Variants in C5orf34 observed in about 807,000 individuals in gnomAD.
C5orf34 encodes the protein uncharacterized protein C5orf34.
In C5orf34, 73 loss-of-function variants were observed where a neutral mutation model predicts 78.4. The ratio of observed to expected loss-of-function variants is 0.93; its 90% confidence interval spans 0.77 to 1.13. The LOEUF is 1.13. Ranked by LOEUF, C5orf34 falls within the 50% of genes most tolerant of loss-of-function variation. The pLI is 0.00. For missense variants in C5orf34, 730 were observed against 732.7 expected, an observed-to-expected ratio of 1.00 and a Z score of 0.04; for synonymous variants, 251 against 246.6, an observed-to-expected ratio of 1.02 and a Z score of -0.17.
chr5:43,498,847 G>A (rs1027049034), intron 6 of C5orf34, among the ~76,000 whole-genome samples: 8 of 152,124 alleles, frequency 5.3e-5, no homozygotes, highest in Non-Finnish European at 8.8e-5. Flanking sequence ...GTTGTGAGCT[G>A]GCCATCTTAG....
Position 43,509,112 on chromosome 5 carries a change from C to CA in C5orf34, c.195+32dup, listed in dbSNP as rs770576833. 4.4e-6 allele frequency: 7 copies of CA among 1,582,790 alleles called. No homozygotes were observed. In the Admixed American group the frequency reaches 5.3e-5, roughly 12 times the overall value. On this transcript the variant is annotated intron_variant, in intron 2 of 12. Transcript: ENST00000306862. ...AGAGCAAGAACCTGTCTCTAAAAAACAAAAAAGTTGTTTACGTGATATCTT... is the reference window on the plus strand; with the variant it reads ...AGAGCAAGAACCTGTCTCTAAAAAACAAAAAAAGTTGTTTACGTGATATCTT...
At chr5:43,495,509 A>G in intron 6 of C5orf34, 1 of 1,608,086 alleles carries the variant, frequency 6.2e-7, no homozygotes, top group South Asian at 1.1e-5. Context: ...AACATCCTTG[A>G]CAGACACATT....
intron 10 of C5orf34, 133 bp downstream of exon 10, chr5:43,492,082 G>A (rs1028333877): frequency 7.1e-5 from 35 of 491,674 alleles, no homozygotes; most frequent in Middle Eastern, 5.9e-4. Context: ...ACTCTGAAAC[G>A]ACTGAAATGC....
intron 8 of C5orf34, among the ~76,000 whole-genome samples, 158 bp downstream of exon 8, chr5:43,493,385 T>C (rs1001415762): frequency 6.6e-6 from 1 of 152,132 alleles, no homozygotes; most frequent in African/African-American, 2.4e-5. Flanking sequence ...GAACTTTCAG[T>C]GTTTGTCTAC....
At chr5:43,487,657 C>T (rs1026058893) in intron 12 of C5orf34, among the ~76,000 whole-genome samples, 4 of 152,008 alleles carry the variant, frequency 2.6e-5, no homozygotes, top group Non-Finnish European at 2.9e-5. Flanking sequence ...GAAAAAGTCT[C>T]CAAAGGAGAC....
chr5:43,502,983 A>C (rs12653472), intron 5 of C5orf34, among the ~76,000 whole-genome samples: 2,115 of 152,344 alleles, frequency 0.014, 59 homozygotes, highest in East Asian at 0.13. Flanking sequence ...GGTACTGGGT[A>C]TATACCAAAT....
chr5:43,492,172 A>C, intron 10 of C5orf34, 43 bp downstream of exon 10: 2 of 1,333,800 alleles, frequency 1.5e-6, no homozygotes, highest in Non-Finnish European at 2.1e-6. Flanking sequence ...CTGTTAGTTA[A>C]AAGTAAAACA....
chr5:43,497,746 T>C (rs1266862434), intron 6 of C5orf34, among the ~76,000 whole-genome samples: 3 of 152,258 alleles, frequency 2.0e-5, no homozygotes, highest in Admixed American at 1.3e-4. Context: ...TTTGTCCTTT[T>C]ATCTTGGTCT....
At position 43,508,596 on chromosome 5, in the gene C5orf34, A is replaced by C. The variant is rs544491265; in HGVS notation, c.266T>G (p.Ile89Arg). ...AATCACCTTTTTTCTTTCAGAAGGT[A>C]TGATGGTTTCAGATAAAAAAGGGCA... ...ATCPFLSETI[I>R]PSERKKHIFI... Residue 89 changes from isoleucine to arginine, a missense_variant, in exon 3 of 13, where the codon ATA becomes AGA. Transcript: ENST00000306862. 25 of 1,605,402 alleles carry C rather than the reference A, an allele frequency of 1.6e-5. No homozygotes were observed. The East Asian group carries it at 5.1e-4, about 33-fold the overall frequency.
chr5:43,488,804 A>G (rs1745161567), intron 11 of C5orf34, among the ~76,000 whole-genome samples: 1 of 152,120 alleles, frequency 6.6e-6, no homozygotes, highest in African/African-American at 2.4e-5. Context: ...ATGGCATACA[A>G]CTACAAACTG....
At chr5:43,492,693 A>T (rs199653432) in intron 9 of C5orf34, 27 bp downstream of exon 9, 2 of 1,574,088 alleles carry the variant, frequency 1.3e-6, no homozygotes, top group Admixed American at 3.8e-5. Flanking sequence ...CCAATAAAAA[A>T]TAGATCTAAG....
At position 43,506,064 on chromosome 5, in the gene C5orf34, T is replaced by C. The variant is rs530678931; in HGVS notation, c.616A>G (p.Lys206Glu). ...CAACTCATCTTCTTTAAAGTTTCTT[T>C]GGATTTCATGATCTGGCAATGAAAC... ...NEFHCQIMKS[K>E]ETLKKMSCVN... Residue 206 changes from lysine to glutamate, a missense_variant, in exon 4 of 13, where the codon AAA becomes GAA. Transcript: ENST00000306862. The C allele has an allele frequency of 3.0e-4, 486 of 1,614,250 alleles. 5 individuals carry two copies. In the Admixed American group the frequency reaches 8.0e-3, roughly 27 times the overall value.
intron 4 of C5orf34, among the ~76,000 whole-genome samples, chr5:43,505,381 G>A (rs1433946139): frequency 1.3e-4 from 20 of 152,186 alleles, no homozygotes; most frequent in Admixed American, 8.5e-4. Context: ...GTGCTCCCCT[G>A]GGCCCACAGA....
Position 43,502,453 on chromosome 5 carries a change from C to T in C5orf34, c.1071G>A (p.Gly357=). 6.3e-7 allele frequency: 1 copy of T among 1,582,306 alleles called. No individual in the cohort carries two copies. The highest frequency in any genetic ancestry group is 1.7e-5 in the Admixed American group (1 of 59,592). Residue 357 remains glycine, a synonymous_variant, in exon 6 of 13, where the codon GGG becomes GGA. Coordinates refer to ENST00000306862, the MANE Select transcript of C5orf34 (RefSeq NM_198566.4). ...CTTCTGATTTGAAAACAGATCCATC[C>T]CCAGAATAAATCTCTATTGAGTTCA... ...QNMNSIEIYS[G]DGSVFKSEGA...
At chr5:43,490,833 GA>G in intron 10 of C5orf34, 104 bp from the exon 11 acceptor site, 1 of 621,108 alleles carries the variant, frequency 1.6e-6, no homozygotes, top group Non-Finnish European at 2.7e-6. Flanking sequence ...AAAGGATAAA[GA>G]AAAAATGTTA....
intron 6 of C5orf34, 71 bp downstream of exon 6, chr5:43,502,301 A>T: frequency 1.3e-6 from 2 of 1,498,284 alleles, no homozygotes; most frequent in African/African-American, 2.8e-5. Flanking sequence ...AATTTCCCAT[A>T]TATATTTGGA....
Position 43,506,371 on chromosome 5 carries a change from T to C in C5orf34, c.309A>G (p.Glu103=). ...RKKHIFIDIT[E]VRWPSLDTDG... ...CTGTATCAAGACTGGGCCATCTCAC[T>C]TCTGTTATGTCAATGAAGATATGCT... Residue 103 remains glutamate, a synonymous_variant, in exon 4 of 13, where the codon GAA becomes GAG. Coordinates refer to ENST00000306862, the MANE Select transcript of C5orf34 (RefSeq NM_198566.4). 6.2e-7 allele frequency: 1 copy of C among 1,607,010 alleles called. No homozygotes were observed. Among genetic ancestry groups the C allele is most frequent in the Non-Finnish European group, 8.5e-7 (1 of 1,176,100 alleles).
intron 1 of C5orf34, among the ~76,000 whole-genome samples, chr5:43,509,633 T>C (rs1746138543): frequency 6.6e-6 from 1 of 152,262 alleles, no homozygotes; most frequent in Non-Finnish European, 1.5e-5. Context: ...ATAATTTTAA[T>C]AGCTTCACTT....
rs1745960081 is a variant in C5orf34, at chr5:43,505,847, C to T, written c.833G>A (p.Ser278Asn). The T allele has an allele frequency of 1.2e-6, 2 of 1,613,498 alleles. No homozygotes were observed. Among genetic ancestry groups the T allele is most frequent in the Non-Finnish European group, 1.7e-6 (2 of 1,179,642 alleles). The change falls in exon 4 of 13, where the codon AGT becomes AAT. Residue 278 changes from serine to asparagine, a missense_variant. Coordinates refer to ENST00000306862, the MANE Select transcript of C5orf34 (RefSeq NM_198566.4). ...TGAAATATCAGAAGTTAAAAATCTACTCTGAGTTATATGTGCATCAATTTT... is the reference window on the plus strand; with the variant it reads ...TGAAATATCAGAAGTTAAAAATCTATTCTGAGTTATATGTGCATCAATTTT... Reference protein sequence around the residue: ...MSKIDAHITQSRFLTSDISEE... With the variant: ...MSKIDAHITQNRFLTSDISEE...
Sources: allele counts gnomAD v4.1 joint callset (sites outside exome capture counted in the v4.1 genomes callset), GRCh38; gene constraint gnomAD v4.1.1; transcripts MANE v1.5; gene names NCBI Gene and HGNC (gene_info 2026-07-23, HGNC 2026-07-21).